The following FNDC3A variants were observed in gnomAD, a reference collection of about 807,000 sequenced individuals.
FNDC3A encodes fibronectin type III domain containing 3A, also known as fibronectin type-III domain-containing protein 3A.
FNDC3A carries 32 observed loss-of-function variants against 148.9 expected under a neutral mutation model. The ratio of observed to expected loss-of-function variants is 0.21; its 90% CI spans 0.16 to 0.29. The LOEUF (loss-of-function observed/expected upper bound fraction) is 0.29, where lower values mean the gene tolerates loss of function less well. FNDC3A is among the 10% of genes least tolerant of loss of function. The probability of loss-of-function intolerance (pLI) is 1.00; values close to 1 mark genes in which losing one functional copy is unlikely to be tolerated. For synonymous variants in FNDC3A, 472 were observed against 473.6 expected (o/e 1.00, Z 0.04); for missense variants, 1,191 against 1,452.8 (o/e 0.82, Z 2.93).
At chr13:49,040,895 G>GT (rs1000386327) in intron 2 of FNDC3A, among the ~76,000 whole-genome samples, 13 of 152,080 alleles carry the variant, frequency 8.5e-5, no homozygotes, top group Non-Finnish European at 1.6e-4. Context: ...TCTGGAAACA[G>GT]TTTTTTTGAC....
chr13:49,209,515 T>A lies in FNDC3A; in HGVS notation c.*2120T>A, dbSNP rs1170273761. On this transcript the variant is annotated 3_prime_UTR_variant, in exon 26 of 26. Transcript: ENST00000492622. Reference sequence around the variant, plus strand: ...ATGAACTTCATACAAATGAAAAAAATCTCATAAAAATACATAAACTATGTA... The same window carrying A: ...ATGAACTTCATACAAATGAAAAAAAACTCATAAAAATACATAAACTATGTA... The A allele has an allele frequency of 1.3e-5, 2 of 152,418 alleles. No homozygotes were observed. The highest frequency in any genetic ancestry group is 4.8e-5 in the African/African-American group (2 of 41,368). 9.4% of individuals were successfully genotyped at this position (152,418 alleles called of 1,614,324 possible).
chr13:49,200,328 T>G (rs552745648), intron 23 of FNDC3A, among the ~76,000 whole-genome samples: 1 of 152,304 alleles, frequency 6.6e-6, no homozygotes, highest in East Asian at 1.9e-4. Flanking sequence ...ATATCACCAG[T>G]AAGAACATTA....
intron 2 of FNDC3A, among the ~76,000 whole-genome samples, chr13:49,057,656 A>C (rs1319111109): frequency 1.3e-5 from 2 of 152,178 alleles, no homozygotes; most frequent in Non-Finnish European, 2.9e-5. Flanking sequence ...CTTTTAATGC[A>C]TTAGTTTTCT....
intron 2 of FNDC3A, among the ~76,000 whole-genome samples, chr13:49,060,637 C>T (rs1199996241): frequency 4.0e-5 from 4 of 99,592 alleles, no homozygotes; most frequent in South Asian, 4.1e-4. Flanking sequence ...GAACGAGACT[C>T]GGTCTCAAAA....
Position 49,110,445 on chromosome 13 carries a change from A to G in FNDC3A, c.176-4210A>G, listed in dbSNP as rs374004638. ...TTTTCGAACATTCTGCTTTTATTTT[A>G]AGACAGAAAGCATTGTATTAATCTA... On this transcript the variant is annotated intron_variant, in intron 3 of 25. Coordinates refer to ENST00000492622, the MANE Select transcript of FNDC3A (RefSeq NM_001079673.2). 7.6e-6 allele frequency: 10 copies of G among 1,319,162 alleles called. No individual in the cohort carries two copies. In the African/African-American group the frequency reaches 1.3e-4, roughly 17 times the overall value. 81.7% of individuals were successfully genotyped at this position (1,319,162 alleles called of 1,614,324 possible). A position where few individuals can be genotyped will look rare whatever the true frequency, so the allele number is the denominator to read the frequency against.
At chr13:49,002,554 A>G (rs929420367) in intron 1 of FNDC3A, among the ~76,000 whole-genome samples, 2 of 152,198 alleles carry the variant, frequency 1.3e-5, no homozygotes, top group African/African-American at 4.8e-5. Context: ...GTCAAGACAT[A>G]GAACAGTACC....
chr13:48,993,757 TG>T (rs1951966466), intron 1 of FNDC3A, among the ~76,000 whole-genome samples: 1 of 152,192 alleles, frequency 6.6e-6, no homozygotes, highest in Non-Finnish European at 1.5e-5. Flanking sequence ...GGCAAGTATA[TG>T]GGTGTTTGCT....
intron 4 of FNDC3A, among the ~76,000 whole-genome samples, chr13:49,130,677 A>G (rs1881974466): frequency 6.6e-6 from 1 of 152,240 alleles, no homozygotes; most frequent in South Asian, 2.1e-4. Context: ...GTGCTAATTT[A>G]CATGTACCAA....
chr13:49,119,471 T>C (rs1881190670), intron 4 of FNDC3A, among the ~76,000 whole-genome samples: 1 of 151,718 alleles, frequency 6.6e-6, no homozygotes, highest in South Asian at 2.1e-4. Context: ...AGTGAACAAA[T>C]CTGGACGGAG....
At chr13:49,031,451 A>G (rs1008072585) in intron 2 of FNDC3A, among the ~76,000 whole-genome samples, 2 of 152,148 alleles carry the variant, frequency 1.3e-5, no homozygotes, top group Non-Finnish European at 2.9e-5. Flanking sequence ...TAAGAATGGA[A>G]TAGAATTGAG....
At chr13:49,151,040 G>A (rs929651950) in intron 8 of FNDC3A, among the ~76,000 whole-genome samples, 1 of 151,970 alleles carries the variant, frequency 6.6e-6, no homozygotes, top group African/African-American at 2.4e-5. Flanking sequence ...TTGTAAAGAA[G>A]AATGTGTTTT....
chr13:49,186,109 T>C lies in FNDC3A; in HGVS notation c.1756+7T>C, dbSNP rs1885553646. ...AGTTTTAAAATAACCTGGGGTAAGA[T>C]ATTATGCATGTTTATACATTATTAC... On this transcript the variant is annotated splice_region_variant and intron_variant, in intron 15 of 25. Transcript: ENST00000492622. The C allele has an allele frequency of 1.3e-6, 2 of 1,599,324 alleles. No individual in the cohort carries two copies. Among genetic ancestry groups the C allele is most frequent in the Non-Finnish European group, 1.7e-6 (2 of 1,168,808 alleles).
intron 1 of FNDC3A, among the ~76,000 whole-genome samples, chr13:49,003,302 T>C (rs1952160466): frequency 6.6e-6 from 1 of 152,118 alleles, no homozygotes; most frequent in South Asian, 2.1e-4. Context: ...TGACCTCAAG[T>C]GATGTGCCTA....
At chr13:48,990,836 G>A (rs1244904845) in intron 1 of FNDC3A, among the ~76,000 whole-genome samples, 1 of 152,060 alleles carries the variant, frequency 6.6e-6, no homozygotes, top group Non-Finnish European at 1.5e-5. Flanking sequence ...CAGAGAAATT[G>A]CAGATTTATT....
chr13:49,054,475 G>T (rs1593523759), intron 2 of FNDC3A, among the ~76,000 whole-genome samples: 1 of 152,142 alleles, frequency 6.6e-6, no homozygotes, highest in Non-Finnish European at 1.5e-5. Context: ...ACATAATCTT[G>T]TAATCAGTAT....
At chr13:49,113,905 GTAAAC>G (rs1880748612) in intron 3 of FNDC3A, among the ~76,000 whole-genome samples, 1 of 152,064 alleles carries the variant, frequency 6.6e-6, no homozygotes, top group African/African-American at 2.4e-5. Context: ...AAAAGAGAAG[GTAAAC>G]TAGAGATAAT....
chr13:49,095,153 A>T (rs1002867098), intron 3 of FNDC3A, among the ~76,000 whole-genome samples: 1 of 151,912 alleles, frequency 6.6e-6, no homozygotes, highest in African/African-American at 2.4e-5. Flanking sequence ...ATATTTTTTT[A>T]AATTAAGACC....
intron 4 of FNDC3A, among the ~76,000 whole-genome samples, chr13:49,124,750 G>A (rs930457424): frequency 6.6e-6 from 1 of 152,140 alleles, no homozygotes; most frequent in Non-Finnish European, 1.5e-5. Context: ...ATGAGGAAAT[G>A]AACAAAACAT....
chr13:49,117,210 T>A (rs919111675), intron 4 of FNDC3A, among the ~76,000 whole-genome samples: 4 of 152,190 alleles, frequency 2.6e-5, no homozygotes, highest in Non-Finnish European at 4.4e-5. Context: ...AGAGATAATC[T>A]TCCTATAGCA....
Sources: allele counts gnomAD v4.1 joint callset (sites outside exome capture counted in the v4.1 genomes callset), GRCh38; gene constraint gnomAD v4.1.1; transcripts MANE v1.5; gene names NCBI Gene and HGNC (gene_info 2026-07-23, HGNC 2026-07-21).